PLCB4: variants seen among roughly 807,000 people sequenced by gnomAD.
PLCB4 encodes 1-phosphatidylinositol 4,5-bisphosphate phosphodiesterase beta-4.
PLCB4 carries 77 observed loss-of-function variants against 178.8 expected under a neutral mutation model. That is an observed-to-expected ratio of 0.43 (90% CI 0.36 to 0.52). The LOEUF (loss-of-function observed/expected upper bound fraction) is 0.52, where lower values mean the gene tolerates loss of function less well. PLCB4 is among the 20% of genes least tolerant of loss of function. The probability of loss-of-function intolerance (pLI) is 0.00; values close to 1 mark genes in which losing one functional copy is unlikely to be tolerated. For missense variants in PLCB4, 1,024 were observed against 1,453.4 expected (o/e 0.70, Z 4.80); for synonymous variants, 496 against 490.8 (o/e 1.01, Z -0.14).
At chr20:9,196,185 G>A (rs1201537793) in intron 2 of PLCB4, among the ~76,000 whole-genome samples, 1 of 152,162 alleles carries the variant, frequency 6.6e-6, no homozygotes, top group Non-Finnish European at 1.5e-5. Context: ...GCAGAAGCTT[G>A]TTATAGCAGA....
chr20:9,084,922 G>A (rs998764939), intron 1 of PLCB4, among the ~76,000 whole-genome samples: 8 of 151,890 alleles, frequency 5.3e-5, no homozygotes, highest in African/African-American at 1.2e-4. Flanking sequence ...GCGTGGTGGC[G>A]TGCGCCTGTT....
At chr20:9,165,130 CA>C (rs2092948128) in intron 2 of PLCB4, among the ~76,000 whole-genome samples, 1 of 152,132 alleles carries the variant, frequency 6.6e-6, no homozygotes, top group Non-Finnish European at 1.5e-5. Flanking sequence ...TGGATGGCCA[CA>C]GTACAGGCAC....
intron 2 of PLCB4, among the ~76,000 whole-genome samples, chr20:9,185,299 C>T (rs2093313858): frequency 6.6e-6 from 1 of 150,720 alleles, no homozygotes; most frequent in Non-Finnish European, 1.5e-5. Flanking sequence ...TGAGTGATAA[C>T]ATTTTCTATA....
intron 10 of PLCB4, 67 bp from the exon 11 acceptor site, chr20:9,372,236 C>A: frequency 1.1e-6 from 1 of 880,348 alleles, no homozygotes; most frequent in Non-Finnish European, 1.9e-6. Flanking sequence ...CTTCATGACC[C>A]TGTAGCTTCT....
At chr20:9,464,712 C>A (rs1221917797) in intron 35 of PLCB4, among the ~76,000 whole-genome samples, 1 of 152,122 alleles carries the variant, frequency 6.6e-6, no homozygotes, top group Non-Finnish European at 1.5e-5. Flanking sequence ...GACACATACA[C>A]CCTCCCGAGA....
Position 9,365,523 on chromosome 20 carries a change from T to G in PLCB4, c.503+9T>G. ...AAAATTCCAGTTAGGAGGTAAGTAA[T>G]CATTCCTATCTGCTGTCCGTGTCCC... On this transcript the variant is annotated intron_variant, in intron 9 of 39. Coordinates refer to ENST00000378473, the MANE Select transcript of PLCB4 (RefSeq NM_001377142.1). The G allele has an allele frequency of 6.4e-7, 1 of 1,564,446 alleles. No homozygotes were observed.
intron 3 of PLCB4, among the ~76,000 whole-genome samples, chr20:9,278,977 G>A (rs765210197): frequency 2.0e-5 from 3 of 152,014 alleles, no homozygotes; most frequent in Non-Finnish European, 4.4e-5. Flanking sequence ...GTTTTTGTTT[G>A]TTTGTTTGTT....
chr20:9,085,840 G>T (rs1457310391), intron 1 of PLCB4, among the ~76,000 whole-genome samples: 1 of 152,058 alleles, frequency 6.6e-6, no homozygotes, highest in Non-Finnish European at 1.5e-5. Flanking sequence ...CATATTATAC[G>T]GGGATTGGTC....
intron 2 of PLCB4, among the ~76,000 whole-genome samples, chr20:9,190,816 G>T (rs778093842): frequency 1.2e-4 from 19 of 152,092 alleles, no homozygotes; most frequent in Non-Finnish European, 5.9e-5. Flanking sequence ...CTGAGAGGTG[G>T]GTATGCTCTC....
intron 8 of PLCB4, among the ~76,000 whole-genome samples, chr20:9,364,550 A>G (rs2035614929): frequency 6.6e-6 from 1 of 152,224 alleles, no homozygotes; most frequent in South Asian, 2.1e-4. Flanking sequence ...CTTGCCGCCA[A>G]GTCTGGCACA....
intron 4 of PLCB4, among the ~76,000 whole-genome samples, chr20:9,313,640 A>G (rs2094862879): frequency 6.6e-6 from 1 of 152,212 alleles, no homozygotes; most frequent in South Asian, 2.1e-4. Context: ...CTGTCTTGCC[A>G]TGAGTCCTGT....
chr20:9,478,499 A>T (rs1281441219), intron 39 of PLCB4, among the ~76,000 whole-genome samples: 2 of 152,150 alleles, frequency 1.3e-5, no homozygotes, highest in Non-Finnish European at 2.9e-5. Flanking sequence ...GTACATAAGC[A>T]ATACTTATTC....
At chr20:9,279,832 G>A (rs999749586) in intron 3 of PLCB4, among the ~76,000 whole-genome samples, 1 of 151,998 alleles carries the variant, frequency 6.6e-6, no homozygotes, top group East Asian at 1.9e-4. Flanking sequence ...TTGAAATAAT[G>A]TATTGCATTC....
intron 2 of PLCB4, among the ~76,000 whole-genome samples, chr20:9,122,137 A>T (rs1208284716): frequency 6.6e-6 from 1 of 152,190 alleles, no homozygotes; most frequent in African/African-American, 2.4e-5. Context: ...ACAAAGAAAC[A>T]TTATTGTATT....
chr20:9,479,126 C>A lies in PLCB4; in HGVS notation c.*117C>A. The A allele has an allele frequency of 1.4e-6, 1 of 731,566 alleles. No individual in the cohort carries two copies. Among genetic ancestry groups the A allele is most frequent in the Non-Finnish European group, 2.4e-6 (1 of 417,784 alleles). The allele number at this position is 731,566 out of a possible 1,614,324, so 45.3% of individuals were successfully genotyped here. On this transcript the variant is annotated 3_prime_UTR_variant, in exon 40 of 40. Transcript: ENST00000378473. The stretch of plus-strand genomic sequence containing the variant: ...GTGTAAACAAGATGATATCTGAAAC[C>A]AGAGAGACTTGGAATGTCTGACTGA...
At chr20:9,372,989 C>T (rs932208792) in intron 11 of PLCB4, 58 bp from the exon 12 acceptor site, 7 of 740,760 alleles carry the variant, frequency 9.4e-6, no homozygotes, top group African/African-American at 1.8e-5. Flanking sequence ...ACATGTAAAT[C>T]GTACATACTG....
At chr20:9,189,751 T>C (rs1409320819) in intron 2 of PLCB4, among the ~76,000 whole-genome samples, 1 of 152,176 alleles carries the variant, frequency 6.6e-6, no homozygotes, top group African/African-American at 2.4e-5. Flanking sequence ...GATGATGCCT[T>C]GTTGCTCCAT....
At chr20:9,379,307 C>T (rs996612963) in intron 12 of PLCB4, among the ~76,000 whole-genome samples, 5 of 152,024 alleles carry the variant, frequency 3.3e-5, no homozygotes, top group African/African-American at 1.2e-4. Flanking sequence ...CAGCATTGCT[C>T]CTGGTGCCTC....
At chr20:9,408,156 G>A in intron 22 of PLCB4, 98 bp downstream of exon 22, 1 of 997,342 alleles carries the variant, frequency 1.0e-6, no homozygotes, top group Non-Finnish European at 1.5e-6. Flanking sequence ...TTCTTTGTGG[G>A]CATGGGGGCT....
Sources: allele counts gnomAD v4.1 joint callset (sites outside exome capture counted in the v4.1 genomes callset), GRCh38; gene constraint gnomAD v4.1.1; transcripts MANE v1.5; gene names NCBI Gene and HGNC (gene_info 2026-07-23, HGNC 2026-07-21).